ZC4H2: variants seen among roughly 807,000 people sequenced by gnomAD.
The protein encoded by ZC4H2 is zinc finger C4H2 domain-containing protein.
For missense variants in ZC4H2, 137 were observed against 173.9 expected (o/e 0.79, Z 1.19); for synonymous variants, 84 against 66.3 (o/e 1.27, Z -1.30).
At chrX:64,927,331 T>C in intron 1 of ZC4H2, among the ~76,000 whole-genome samples, 1 of 109,978 alleles carries the variant, frequency 9.1e-6, no homozygotes, top group Non-Finnish European at 1.9e-5. Flanking sequence ...CCTCCCTGTG[T>C]CCATGTGTTC....
chrX:64,948,299 T>A (rs1422907948), intron 1 of ZC4H2, among the ~76,000 whole-genome samples: 1 of 111,452 alleles, frequency 9.0e-6, no homozygotes, highest in East Asian at 2.8e-4. Context: ...GTTAGAGGGC[T>A]CTTACACCTG....
intron 1 of ZC4H2, among the ~76,000 whole-genome samples, chrX:64,941,321 C>A (rs1930271924): frequency 9.0e-6 from 1 of 111,560 alleles, no homozygotes; most frequent in African/African-American, 3.3e-5. Context: ...TCTGAATATA[C>A]CATCATGTCA....
intron 1 of ZC4H2, among the ~76,000 whole-genome samples, chrX:64,926,060 G>C (rs1187821270): frequency 8.9e-6 from 1 of 111,968 alleles, no homozygotes; most frequent in Non-Finnish European, 1.9e-5. Context: ...TATTTGTAAA[G>C]TCAGTTTCTC....
chrX:64,974,544 C>T (rs751269274), intron 1 of ZC4H2, among the ~76,000 whole-genome samples: 5 of 111,853 alleles, frequency 4.5e-5, no homozygotes, highest in Non-Finnish European at 7.5e-5. Context: ...CAGTCCTCTA[C>T]CACTCTCTTG....
rs189740851 is a variant in ZC4H2, at chrX:64,941,323, A to T, written c.54-19335T>A. The stretch of plus-strand genomic sequence containing the variant: ...GACAATGGGGTTTTCTGAATATACC[A>T]TCATGTCATTTGCAAACAGAGACAA... On this transcript the variant is annotated intron_variant, in intron 1 of 4. Coordinates refer to ENST00000374839, the MANE Select transcript of ZC4H2 (RefSeq NM_018684.4). Among the ~76,000 whole-genome samples the T allele has an allele frequency of 1.2e-4, 14 of 112,086 alleles. No individual in the cohort carries two copies. The East Asian group carries it at 3.9e-3, about 32-fold the overall frequency.
intron 1 of ZC4H2, among the ~76,000 whole-genome samples, chrX:64,953,237 A>G (rs1348748949): frequency 1.8e-5 from 2 of 112,003 alleles, no homozygotes; most frequent in African/African-American, 6.5e-5. Context: ...AACCTAGGCA[A>G]TACCATTCAG....
intron 1 of ZC4H2, among the ~76,000 whole-genome samples, chrX:64,963,827 T>A (rs1311263369): frequency 9.0e-6 from 1 of 111,442 alleles, no homozygotes; most frequent in African/African-American, 3.3e-5. Flanking sequence ...ATGAATGAAT[T>A]AACAATGTAG....
intron 1 of ZC4H2, among the ~76,000 whole-genome samples, chrX:64,975,969 G>GA (rs1410318604): frequency 2.7e-5 from 3 of 111,047 alleles, no homozygotes; most frequent in African/African-American, 6.6e-5. Context: ...CAAGAGACTG[G>GA]AAAAAAATCC....
intron 1 of ZC4H2, among the ~76,000 whole-genome samples, chrX:64,963,743 T>A (rs1208343712): frequency 9.0e-6 from 1 of 111,310 alleles, no homozygotes; most frequent in East Asian, 2.8e-4. Flanking sequence ...GAAATCGGGA[T>A]CTCAAAGAGA....
At chrX:64,925,079 G>GT (rs762847619) in intron 1 of ZC4H2, among the ~76,000 whole-genome samples, 30 of 111,273 alleles carry the variant, frequency 2.7e-4, no homozygotes, top group African/African-American at 9.5e-4. Context: ...AGCAGAGTAT[G>GT]TGGCACATGG....
chrX:65,016,069 T>C (rs1358998063), intron 1 of ZC4H2, among the ~76,000 whole-genome samples: 1 of 112,160 alleles, frequency 8.9e-6, no homozygotes, highest in Non-Finnish European at 1.9e-5. Flanking sequence ...AAATTTATTT[T>C]TGCATTATAT....
intron 1 of ZC4H2, among the ~76,000 whole-genome samples, chrX:64,933,541 T>C (rs1032047391): frequency 9.0e-6 from 1 of 111,675 alleles, no homozygotes; most frequent in African/African-American, 3.3e-5. Context: ...TAACTTCTTT[T>C]TTTCTTTCTT....
At chrX:64,994,429 AG>A (rs1249230656) in intron 1 of ZC4H2, among the ~76,000 whole-genome samples, 3 of 112,145 alleles carry the variant, frequency 2.7e-5, no homozygotes, top group African/African-American at 9.7e-5. Context: ...AAATAAAACA[AG>A]TCAAATAAAA....
At chrX:64,998,980 T>C (rs1369751548) in intron 1 of ZC4H2, among the ~76,000 whole-genome samples, 2 of 109,337 alleles carry the variant, frequency 1.8e-5, no homozygotes, top group Non-Finnish European at 3.8e-5. Flanking sequence ...TTCATTTTTT[T>C]ATTTGTGTCT....
intron 1 of ZC4H2, among the ~76,000 whole-genome samples, chrX:64,972,767 G>C (rs1007915017): frequency 2.7e-5 from 3 of 111,601 alleles, no homozygotes; most frequent in Non-Finnish European, 5.7e-5. Context: ...TAAATTAAAA[G>C]GTGCTTGACA....
intron 1 of ZC4H2, among the ~76,000 whole-genome samples, chrX:65,009,073 T>C (rs1382753280): frequency 8.9e-6 from 1 of 112,184 alleles, no homozygotes; most frequent in African/African-American, 3.2e-5. Context: ...ACATCATATG[T>C]ACTCCATAAA....
chrX:64,946,928 G>T (rs1055755023), intron 1 of ZC4H2, among the ~76,000 whole-genome samples: 3 of 110,923 alleles, frequency 2.7e-5, no homozygotes, highest in Non-Finnish European at 5.7e-5. Context: ...CTTGAAGTGG[G>T]AGCTTAGATT....
chrX:65,020,030 G>A (rs1364874021), intron 1 of ZC4H2, among the ~76,000 whole-genome samples: 1 of 111,791 alleles, frequency 8.9e-6, no homozygotes, highest in Non-Finnish European at 1.9e-5. Flanking sequence ...AGAAATATGG[G>A]ACTATGTGAA....
intron 1 of ZC4H2, among the ~76,000 whole-genome samples, chrX:64,942,342 T>C (rs73512555): frequency 0.083 from 9,149 of 110,680 alleles, 1,029 homozygotes; most frequent in African/African-American, 0.29. Context: ...AACCAGCTCC[T>C]AGATTCATTG....
Sources: gnomAD v4.1 joint callset for allele counts (sites outside exome capture counted in the v4.1 genomes callset) on GRCh38, gnomAD v4.1.1 for gene constraint, MANE v1.5 for transcripts, NCBI Gene and HGNC (gene_info 2026-07-23, HGNC 2026-07-21) for gene names.